SIPA1L1: variants seen among roughly 807,000 people sequenced by gnomAD.
SIPA1L1 encodes signal-induced proliferation-associated 1-like protein 1.
SIPA1L1 carries 26 observed loss-of-function variants against 162.7 expected under a neutral mutation model. That is an observed-to-expected ratio of 0.16 (90% confidence interval 0.12 to 0.22). The LOEUF (loss-of-function observed/expected upper bound fraction) is 0.22, where lower values mean the gene tolerates loss of function less well. Ranked by LOEUF, SIPA1L1 falls within the 10% of genes least tolerant of loss-of-function variation. The pLI, the probability that SIPA1L1 is intolerant of heterozygous loss-of-function variation, is 1.00. For missense variants in SIPA1L1, 1,874 were observed against 2,241.0 expected (o/e 0.84, Z 3.31); for synonymous variants, 829 against 837.4 (o/e 0.99, Z 0.17).
At chr14:71,701,296 C>T (rs948968364) in intron 14 of SIPA1L1, among the ~76,000 whole-genome samples, 1 of 152,030 alleles carries the variant, frequency 6.6e-6, no homozygotes, top group African/African-American at 2.4e-5. Flanking sequence ...ACCCCACAAG[C>T]ATCAGTTCAT....
chr14:71,585,581 G>GGAAA (rs1301820924), intron 4 of SIPA1L1, among the ~76,000 whole-genome samples: 2 of 152,104 alleles, frequency 1.3e-5, no homozygotes, highest in African/African-American at 4.8e-5. Context: ...ACATATCCTG[G>GGAAA]GAAAGACAGC....
At chr14:71,428,052 G>C (rs530461045) in intron 2 of SIPA1L1, among the ~76,000 whole-genome samples, 21 of 151,766 alleles carry the variant, frequency 1.4e-4, no homozygotes, top group African/African-American at 5.1e-4. Context: ...GAGTGCGGTG[G>C]TGTGATCTTG....
intron 12 of SIPA1L1, among the ~76,000 whole-genome samples, chr14:71,684,997 T>C (rs1258624782): frequency 6.6e-6 from 1 of 152,154 alleles, no homozygotes; most frequent in African/African-American, 2.4e-5. Flanking sequence ...GTGAAGCCGC[T>C]TGCTTCCATT....
intron 4 of SIPA1L1, among the ~76,000 whole-genome samples, chr14:71,531,417 G>A (rs777087660): frequency 1.3e-5 from 2 of 151,912 alleles, no homozygotes; most frequent in African/African-American, 2.4e-5. Flanking sequence ...CCTCGAAATA[G>A]TACTGTGTAT....
In SIPA1L1 at chr14:71,730,255, C is replaced by G; in HGVS notation, c.4815C>G (p.Leu1605=). 6.2e-7 allele frequency: 1 copy of G among 1,614,192 alleles called. No individual in the cohort carries two copies. The highest frequency in any genetic ancestry group is 8.5e-7 in the Non-Finnish European group (1 of 1,180,044). The change falls in exon 20 of 24, where the codon CTC becomes CTG. Residue 1605 remains leucine, a synonymous_variant. Transcript: ENST00000381232. ...SSTYPSLPKS[L]PLRRPSYTLG... is the part of the protein sequence containing the mutation. ...CGTACCCTTCTCTCCCCAAGTCGCT[C>G]CCGTTGAGGAGGCCTTCTTACACCT...
intron 4 of SIPA1L1, among the ~76,000 whole-genome samples, chr14:71,575,249 GTCCCT>G (rs1421284359): frequency 6.6e-6 from 1 of 152,088 alleles, no homozygotes; most frequent in African/African-American, 2.4e-5. Context: ...GGAACTGACT[GTCCCT>G]TGCACTGGAT....
intron 12 of SIPA1L1, among the ~76,000 whole-genome samples, chr14:71,674,564 T>G (rs1323567298): frequency 2.5e-4 from 37 of 149,774 alleles, no homozygotes; most frequent in African/African-American, 8.4e-4. Flanking sequence ...TTTTTTGTTT[T>G]TTTTTGTTTT....
chr14:71,333,241 C>A (rs1210379222), intron 2 of SIPA1L1, among the ~76,000 whole-genome samples: 1 of 152,146 alleles, frequency 6.6e-6, no homozygotes, highest in African/African-American at 2.4e-5. Context: ...ATCTTTTAGA[C>A]TATGGTCATC....
At chr14:71,406,587 T>A (rs557247844) in intron 2 of SIPA1L1, among the ~76,000 whole-genome samples, 1 of 146,034 alleles carries the variant, frequency 6.8e-6, no homozygotes, top group Admixed American at 6.8e-5. Flanking sequence ...TTAGATTACC[T>A]TGGGGGGATT....
intron 22 of SIPA1L1, among the ~76,000 whole-genome samples, chr14:71,736,343 G>A (rs1009156915): frequency 5.9e-5 from 9 of 152,212 alleles, no homozygotes; most frequent in African/African-American, 1.9e-4. Flanking sequence ...GTTGCAGTGA[G>A]CCAAGATCGC....
At chr14:71,618,402 A>G (rs1392483588) in intron 5 of SIPA1L1, among the ~76,000 whole-genome samples, 1 of 152,226 alleles carries the variant, frequency 6.6e-6, no homozygotes, top group Non-Finnish European at 1.5e-5. Context: ...ACAAAAACTA[A>G]AAAGCCCTGG....
intron 2 of SIPA1L1, among the ~76,000 whole-genome samples, chr14:71,474,884 A>G (rs1211116067): frequency 6.6e-6 from 1 of 152,194 alleles, no homozygotes; most frequent in East Asian, 1.9e-4. Flanking sequence ...TCAGGCTGTA[A>G]ATCGTGTAAA....
chr14:71,543,871 A>ATG (rs759983460), intron 4 of SIPA1L1, among the ~76,000 whole-genome samples: 6 of 141,844 alleles, frequency 4.2e-5, no homozygotes, highest in Admixed American at 7.0e-5. Context: ...TATCATACGT[A>ATG]TGTGTATATA....
At chr14:71,674,781 G>T (rs996282844) in intron 12 of SIPA1L1, among the ~76,000 whole-genome samples, 1 of 151,472 alleles carries the variant, frequency 6.6e-6, no homozygotes, top group Non-Finnish European at 1.5e-5. Context: ...AGCCGGGATG[G>T]TCTCGATCTC....
At chr14:71,609,438 T>TTTTTTTTA (rs1170582813) in intron 5 of SIPA1L1, among the ~76,000 whole-genome samples, 4 of 140,102 alleles carry the variant, frequency 2.9e-5, no homozygotes, top group African/African-American at 2.7e-5. Flanking sequence ...CCAGCTAATA[T>TTTTTTTTA]TTTATTTATT....
At chr14:71,452,414 A>G (rs750167696) in intron 2 of SIPA1L1, among the ~76,000 whole-genome samples, 1 of 152,148 alleles carries the variant, frequency 6.6e-6, no homozygotes, top group Non-Finnish European at 1.5e-5. Context: ...ACTACACTTT[A>G]TTTACTACTG....
At chr14:71,651,334 T>C (rs1216303203) in intron 8 of SIPA1L1, among the ~76,000 whole-genome samples, 4 of 152,166 alleles carry the variant, frequency 2.6e-5, no homozygotes, top group Admixed American at 6.5e-5. Context: ...TCTATAGTAA[T>C]CTCTCTGATT....
intron 12 of SIPA1L1, among the ~76,000 whole-genome samples, chr14:71,675,566 A>G (rs1269775058): frequency 6.6e-5 from 10 of 152,184 alleles, no homozygotes; most frequent in African/African-American, 1.2e-4. Flanking sequence ...CCTTGTTACA[A>G]TTTTCAACAA....
intron 7 of SIPA1L1, among the ~76,000 whole-genome samples, chr14:71,628,873 G>A (rs1454515944): frequency 2.0e-5 from 3 of 152,174 alleles, no homozygotes; most frequent in Non-Finnish European, 2.9e-5. Flanking sequence ...CACACAGTGC[G>A]TTCATGAGGC....
Sources: allele counts gnomAD v4.1 joint callset (sites outside exome capture counted in the v4.1 genomes callset), GRCh38; gene constraint gnomAD v4.1.1; transcripts MANE v1.5; gene names NCBI Gene and HGNC (gene_info 2026-07-23, HGNC 2026-07-21).